The following AGL variants were observed in gnomAD, a reference collection of about 807,000 sequenced individuals.
AGL encodes the protein amylo-alpha-1,6-glucosidase and 4-alpha-glucanotransferase, also known as glycogen debranching enzyme.
Under a neutral mutation model 199.3 loss-of-function variants are expected in AGL, and 128 were observed. That is an observed-to-expected ratio of 0.64 (90% CI 0.56 to 0.74). AGL has a LOEUF of 0.74. Ranked by LOEUF, AGL falls within the 30% of genes least tolerant of loss-of-function variation. The pLI, the probability that AGL is intolerant of heterozygous loss-of-function variation, is 0.00. For synonymous variants in AGL, 584 were observed against 594.7 expected (o/e 0.98, Z 0.26); for missense variants, 1,809 against 1,820.8 (o/e 0.99, Z 0.12).
Position 99,874,806 on chromosome 1 carries a change from C to T in AGL, c.1078C>T (p.His360Tyr), listed in dbSNP as rs763554006. ...MNIALTTFIPHDKGPAAIEEC... is the reference protein window; with the variant it reads ...MNIALTTFIPYDKGPAAIEEC... ...CATTGCACTAACGACTTTCATACCA[C>T]ATGAGTATGTAATGTGTTTTTTTCT... Residue 360 changes from histidine to tyrosine, a missense_variant, in exon 8 of 34, where the codon CAT becomes TAT. Transcript: ENST00000361915. 9.3e-6 allele frequency: 15 copies of T among 1,613,354 alleles called. No individual in the cohort carries two copies. The highest frequency in any genetic ancestry group is 6.6e-5 in the South Asian group (6 of 91,062).
intron 25 of AGL, among the ~76,000 whole-genome samples, chr1:99,898,041 G>C (rs895544680): frequency 1.3e-5 from 2 of 149,992 alleles, no homozygotes; most frequent in East Asian, 3.9e-4. Context: ...GCAAAGAATA[G>C]CTTTTACCTT....
intron 20 of AGL, among the ~76,000 whole-genome samples, chr1:99,887,715 C>A (rs1432426430): frequency 6.6e-6 from 1 of 152,072 alleles, no homozygotes; most frequent in Non-Finnish European, 1.5e-5. Context: ...AATATTTTCC[C>A]AGCATACTTC....
chr1:99,852,037 T>TC (rs1648993013), intron 2 of AGL, among the ~76,000 whole-genome samples: 1 of 152,168 alleles, frequency 6.6e-6, no homozygotes, highest in Admixed American at 6.5e-5. Flanking sequence ...GATTTTTTTT[T>TC]CCCCCTCCCC....
intron 13 of AGL, 41 bp downstream of exon 13, chr1:99,880,087 T>C (rs755131996): frequency 6.2e-7 from 1 of 1,611,788 alleles, no homozygotes; most frequent in South Asian, 1.1e-5. Context: ...AACTTTAGCT[T>C]TTGTTTAAGT....
intron 27 of AGL, among the ~76,000 whole-genome samples, chr1:99,907,874 CTTTTGTTATTGAGG>C (rs1302738580): frequency 6.6e-6 from 1 of 151,534 alleles, no homozygotes; most frequent in Non-Finnish European, 1.5e-5. Context: ...GAATTGAGTT[CTTTTGTTATTGAGG>C]TGCAGGGTGC....
chr1:99,865,280 A>G (rs1650416004), intron 5 of AGL, among the ~76,000 whole-genome samples: 1 of 152,186 alleles, frequency 6.6e-6, no homozygotes, highest in African/African-American at 2.4e-5. Context: ...TTCCCAAGTA[A>G]CTCATGGATC....
intron 24 of AGL, among the ~76,000 whole-genome samples, 163 bp from the exon 25 acceptor site, chr1:99,896,123 G>A (rs1464430796): frequency 2.0e-5 from 3 of 152,222 alleles, no homozygotes; most frequent in Admixed American, 6.5e-5. Context: ...GTTAACATAA[G>A]TATAGACATA....
rs757479682 is a variant in AGL, at chr1:99,880,785, G to T, written c.1889G>T (p.Cys630Phe). Residue 630 changes from cysteine to phenylalanine, a missense_variant, in exon 14 of 34, where the codon TGT becomes TTT. Physicochemically the swap from Cys to Phe is radical, Grantham distance 205 (BLOSUM62 -2). Coordinates refer to ENST00000361915, the MANE Select transcript of AGL (RefSeq NM_000642.3). ...LFMDITHDNE[C>F]PIVHRSAYDA... Reference sequence around the variant, plus strand: ...ATGGATATTACGCATGATAATGAGTGTCCTATTGTGGTAAGCACCTAATCT... The same window carrying T: ...ATGGATATTACGCATGATAATGAGTTTCCTATTGTGGTAAGCACCTAATCT... The T allele has an allele frequency of 1.9e-6, 3 of 1,613,770 alleles. No individual in the cohort carries two copies. The highest frequency in any genetic ancestry group is 2.7e-5 in the African/African-American group (2 of 74,884).
At position 99,875,354 on chromosome 1, in the gene AGL, T is replaced by C; in HGVS notation, c.1186-4T>C. On this transcript the variant is annotated splice_region_variant and splice_polypyrimidine_tract_variant and intron_variant, in intron 9 of 33. Transcript: ENST00000361915. ...ATGATCTAACACAATTTAATGTTTT[T>C]CAGGCAGTTAATTGCCTTTTGGGAA... The C allele has an allele frequency of 6.2e-7, 1 of 1,614,134 alleles. No individual in the cohort carries two copies. The highest frequency in any genetic ancestry group is 8.5e-7 in the Non-Finnish European group (1 of 1,179,974).
chr1:99,861,750 A>G, intron 3 of AGL, 37 bp downstream of exon 3: 1 of 1,605,922 alleles, frequency 6.2e-7, no homozygotes, highest in Non-Finnish European at 8.5e-7. Flanking sequence ...AAAAAAGTTA[A>G]TTTGTTCTGT....
At chr1:99,886,647 ATC>A (rs761206556) in intron 20 of AGL, among the ~76,000 whole-genome samples, 2 of 152,326 alleles carry the variant, frequency 1.3e-5, no homozygotes, top group South Asian at 2.1e-4. Flanking sequence ...TAAAAATAAC[ATC>A]TCATGTAATT....
chr1:99,857,847 A>AGGGGGAGACCGGGGGGAGGGGGAGGGGGG (rs1649686521), intron 2 of AGL, among the ~76,000 whole-genome samples: 2 of 8,224 alleles, frequency 2.4e-4, no homozygotes, highest in African/African-American at 4.8e-4. Context: ...GGGGAGGGGG[A>AGGGGGAGACCGGGGGGAGGGGGAGGGGGG]GGGGGGAAGA....
At chr1:99,883,535 CTAA>C (rs1477644316) in intron 17 of AGL, among the ~76,000 whole-genome samples, 1 of 152,034 alleles carries the variant, frequency 6.6e-6, no homozygotes. Context: ...GTGAATGAAT[CTAA>C]AAAATACATT....
intron 2 of AGL, among the ~76,000 whole-genome samples, chr1:99,856,708 C>A (rs1048638515): frequency 2.6e-5 from 4 of 152,080 alleles, no homozygotes; most frequent in Non-Finnish European, 5.9e-5. Flanking sequence ...CACCCTTAAT[C>A]CATTTAACCC....
chr1:99,896,214 T>C, intron 24 of AGL, 72 bp from the exon 25 acceptor site: 2 of 1,283,034 alleles, frequency 1.6e-6, no homozygotes, highest in Middle Eastern at 2.0e-4. Flanking sequence ...AACTGTTCTA[T>C]AGTAATGGAG....
intron 23 of AGL, 98 bp downstream of exon 23, chr1:99,891,837 T>C: frequency 7.0e-7 from 1 of 1,422,852 alleles, no homozygotes; most frequent in Non-Finnish European, 9.9e-7. Flanking sequence ...CCATAAAGAA[T>C]TGTCATAGAA....
intron 4 of AGL, among the ~76,000 whole-genome samples, chr1:99,863,937 T>G (rs940108817): frequency 1.3e-5 from 2 of 152,134 alleles, no homozygotes; most frequent in Admixed American, 6.5e-5. Flanking sequence ...CCACTGCACC[T>G]GATCTCAATA....
intron 30 of AGL, among the ~76,000 whole-genome samples, 156 bp downstream of exon 30, chr1:99,913,894 T>TA (rs1654929708): frequency 6.6e-6 from 1 of 152,240 alleles, no homozygotes; most frequent in Admixed American, 6.5e-5. Context: ...AATCAAGTAT[T>TA]ATGCGTATCA....
In AGL at chr1:99,881,343, T is replaced by G. The variant is rs780518752; in HGVS notation, c.2053T>G (p.Leu685Val). The stretch of plus-strand genomic sequence containing the variant: ...TTACACTAAGTGGAATCCTGAAGCA[T>G]TGCCTTCAAACACAGGTGAAGTTAA... ...RFYTKWNPEA[L>V]PSNTGEVNFQ... Residue 685 changes from leucine (L) to valine (V), a missense_variant, in exon 16 of 34, where the codon TTG (leucine) becomes GTG (valine). Transcript: ENST00000361915. The G allele has an allele frequency of 2.5e-6, 4 of 1,614,018 alleles. No homozygotes were observed. In the African/African-American group the frequency reaches 4.0e-5, roughly 16 times the overall value.
Sources: allele counts gnomAD v4.1 joint callset (sites outside exome capture counted in the v4.1 genomes callset), GRCh38; gene constraint gnomAD v4.1.1; transcripts MANE v1.5; gene names NCBI Gene and HGNC (gene_info 2026-07-23, HGNC 2026-07-21).